PTBP1: variants seen among roughly 807,000 people sequenced by gnomAD.
The protein encoded by PTBP1 is polypyrimidine tract binding protein 1.
Under a neutral mutation model 59.8 loss-of-function variants are expected in PTBP1, and 8 were observed. That is an observed-to-expected ratio of 0.13 (90% CI 0.08 to 0.24). The LOEUF is 0.24. Ranked by LOEUF, PTBP1 falls within the 10% of genes least tolerant of loss-of-function variation. PTBP1 has a pLI of 1.00. For missense variants in PTBP1, 686 were observed against 767.0 expected (o/e 0.89, Z 1.25); for synonymous variants, 490 against 320.7 (o/e 1.53, Z -5.64).
chr19:806,337 G>A lies in PTBP1; in HGVS notation c.971-71G>A, dbSNP rs1396316347. On this transcript the variant is annotated intron_variant, in intron 9 of 14. Coordinates refer to ENST00000356948, the MANE Select transcript of PTBP1 (RefSeq NM_002819.5). Reference sequence around the variant, plus strand: ...CGGCTCCTCGGTGCATGAGGACGGGGAGCGTCGGCCTCTCCCACTCTGCGG... The same window carrying A: ...CGGCTCCTCGGTGCATGAGGACGGGAAGCGTCGGCCTCTCCCACTCTGCGG... 113 of 1,478,194 alleles carry A rather than the reference G, an allele frequency of 7.6e-5. 2 individuals carry two copies. The South Asian group carries it at 1.1e-3, about 14-fold the overall frequency. 91.6% of individuals were successfully genotyped at this position (1,478,194 alleles called of 1,614,324 possible).
rs541209629 is a variant in PTBP1, at chr19:811,173, C to T, written c.*347C>T. ...CTTCCTTGTGCCTTAAAAAACCTGC[C>T]TTCCTGCAGCCACACACCCACCCGG... On this transcript the variant is annotated 3_prime_UTR_variant, in exon 15 of 15. Coordinates refer to ENST00000356948, the MANE Select transcript of PTBP1 (RefSeq NM_002819.5). 28 of 192,426 alleles carry T rather than the reference C, an allele frequency of 1.5e-4. No individual in the cohort carries two copies. Among genetic ancestry groups the T allele is most frequent in the South Asian group, 1.4e-3 (10 of 7,160 alleles). 11.9% of individuals were successfully genotyped at this position (192,426 alleles called of 1,614,324 possible).
rs772626616 is a variant in PTBP1 at position 806,490 on chromosome 19, G to A, written c.1053G>A (p.Arg351=). The A allele has an allele frequency of 1.3e-6, 2 of 1,585,792 alleles. No homozygotes were observed. Among genetic ancestry groups the A allele is most frequent in the African/African-American group, 1.4e-5 (1 of 71,914 alleles). Residue 351 remains arginine (R), a synonymous_variant, in exon 10 of 15, where the codon CGG becomes CGA. Transcript: ENST00000356948. ...SAAAAAAAAG[R]IAIPGLAGAG... is the part of the protein sequence containing the mutation. ...CGGCGGCAGCTGCGGCGGCAGGTCG[G>A]ATCGCCATCCCGGGCCTGGCGGGGG... is the stretch of plus-strand genomic sequence containing the variant.
At chr19:810,248 G>C (rs1466286617) in intron 13 of PTBP1, among the ~76,000 whole-genome samples, 1 of 152,218 alleles carries the variant, frequency 6.6e-6, no homozygotes, top group Non-Finnish European at 1.5e-5. Flanking sequence ...GGAGGTTGTG[G>C]TGAGCTGAGA....
intron 1 of PTBP1, 56 bp downstream of exon 1, chr19:797,561 C>CAA: frequency 7.7e-7 from 1 of 1,296,604 alleles, no homozygotes; most frequent in South Asian, 1.9e-5. Flanking sequence ...AGCCCTGCCC[C>CAA]CGCCGCCGCG....
At chr19:803,157 A>T (rs924655607) in intron 2 of PTBP1, among the ~76,000 whole-genome samples, 2 of 152,206 alleles carry the variant, frequency 1.3e-5, no homozygotes, top group South Asian at 4.1e-4. Flanking sequence ...GGCTGGCTCC[A>T]TGGAGGGGGT....
chr19:803,691 A>G, intron 3 of PTBP1, 55 bp downstream of exon 3: 1 of 1,475,256 alleles, frequency 6.8e-7, no homozygotes, highest in South Asian at 1.1e-5. Context: ...CCCTGGAACA[A>G]CGTTACGTTC....
intron 2 of PTBP1, 43 bp from the exon 3 acceptor site, chr19:803,518 G>A: frequency 6.4e-7 from 1 of 1,567,048 alleles, no homozygotes; most frequent in Non-Finnish European, 8.8e-7. Context: ...GGAGGCTCTG[G>A]CCTGGTGGGA....
chr19:807,963 C>T lies in PTBP1; in HGVS notation c.1153+61C>T, dbSNP rs995585088. On this transcript the variant is annotated intron_variant, in intron 11 of 14. Coordinates refer to ENST00000356948, the MANE Select transcript of PTBP1 (RefSeq NM_002819.5). ...CATTAATTGAGATGATTTTGATGCC[C>T]TGAGACGTATTATGAGTTTGCGGTT... is the stretch of plus-strand genomic sequence containing the variant. 58 of 1,456,498 alleles carry T rather than the reference C, an allele frequency of 4.0e-5. 1 individual carries two copies. In the African/African-American group the frequency reaches 6.0e-4, roughly 15 times the overall value. 90.2% of individuals were successfully genotyped at this position (1,456,498 alleles called of 1,614,324 possible).
At chr19:806,321 G>C (rs2034572480) in intron 9 of PTBP1, 87 bp from the exon 10 acceptor site, 3 of 1,395,110 alleles carry the variant, frequency 2.2e-6, no homozygotes, top group South Asian at 1.5e-5. Context: ...TCGGCTCCTC[G>C]GTGCATGAGG....
chr19:804,463 A>G (rs2034471154), intron 5 of PTBP1, 25 bp downstream of exon 5: 1 of 1,604,882 alleles, frequency 6.2e-7, no homozygotes, highest in Non-Finnish European at 8.5e-7. Flanking sequence ...GGCGGACCCC[A>G]GCAGCCCGGG....
chr19:797,755 G>A (rs2034135484), intron 1 of PTBP1, among the ~76,000 whole-genome samples: 1 of 146,284 alleles, frequency 6.8e-6, no homozygotes, highest in South Asian at 2.1e-4. Flanking sequence ...TAGCGCACGC[G>A]GCCTCCCGCG....
rs1266783363 is a variant in PTBP1, at chr19:804,879, C to A, written c.657C>A (p.Asn219Lys). Residue 219 changes from asparagine (N) to lysine (K), a missense_variant, in exon 7 of 15, where the codon AAC (asparagine) becomes AAA (lysine). Physicochemically the swap from Asn to Lys is moderately conservative, Grantham distance 94 (BLOSUM62 0). Coordinates refer to ENST00000356948, the MANE Select transcript of PTBP1 (RefSeq NM_002819.5). ...TGAAGATCATCACCTTCACCAAGAACAACCAGTTCCAGGCCCTGCTGCAGT... is the reference window on the plus strand; with the variant it reads ...TGAAGATCATCACCTTCACCAAGAAAAACCAGTTCCAGGCCCTGCTGCAGT... ...TVLKIITFTKNNQFQALLQYA... is the reference protein window; with the variant it reads ...TVLKIITFTKKNQFQALLQYA... The A allele has an allele frequency of 3.1e-6, 5 of 1,613,938 alleles. No homozygotes were observed. Among genetic ancestry groups the A allele is most frequent in the Non-Finnish European group, 4.2e-6 (5 of 1,179,948 alleles).
chr19:804,438 G>C lies in PTBP1; in HGVS notation c.435G>C (p.Ala145=), dbSNP rs756078289. The change falls in exon 5 of 15, where the codon GCG becomes GCC. Residue 145 remains alanine, a splice_region_variant and synonymous_variant. Coordinates refer to ENST00000356948, the MANE Select transcript of PTBP1 (RefSeq NM_002819.5). ...AGACCGACAGCTCTCCCAACCAGGC[G>C]GTGCGTGGCCCCGCGGCGGACCCCA... The part of the protein sequence containing the change: ...ELKTDSSPNQ[A]RAQAALQAVN... 1 of 1,610,270 alleles carries C rather than the reference G, an allele frequency of 6.2e-7. No homozygotes were observed. The highest frequency in any genetic ancestry group is 8.5e-7 in the Non-Finnish European group (1 of 1,179,892).
Position 806,416 on chromosome 19 carries a change from G to T in PTBP1, c.979G>T (p.Val327Phe). ...FAIPQAAGLS[V>F]PNVHGALAPL... ...ACCTCCTGCTTTTCCAGGCCTTTCC[G>T]TTCCGAACGTCCACGGCGCCCTGGC... The change falls in exon 10 of 15, where the codon GTT becomes TTT. Residue 327 changes from valine to phenylalanine, a missense_variant. Physicochemically the swap from Val to Phe is conservative, Grantham distance 50. Coordinates refer to ENST00000356948, the MANE Select transcript of PTBP1 (RefSeq NM_002819.5). 1 of 1,602,120 alleles carries T rather than the reference G, an allele frequency of 6.2e-7. No homozygotes were observed. Among genetic ancestry groups the T allele is most frequent in the Non-Finnish European group, 8.5e-7 (1 of 1,174,828 alleles).
intron 2 of PTBP1, among the ~76,000 whole-genome samples, chr19:800,258 C>T (rs1174203940): frequency 6.6e-6 from 1 of 152,050 alleles, no homozygotes; most frequent in East Asian, 1.9e-4. Flanking sequence ...TTGATGGCAT[C>T]TGGTTAGAAC....
intron 8 of PTBP1, 130 bp from the exon 9 acceptor site, chr19:805,362 G>C: frequency 1.7e-6 from 2 of 1,199,996 alleles, no homozygotes; most frequent in African/African-American, 3.0e-5. Context: ...GCCCCCCCTG[G>C]AGCAGCGGAT....
intron 2 of PTBP1, among the ~76,000 whole-genome samples, chr19:801,147 C>G (rs1454286313): frequency 6.6e-6 from 1 of 152,126 alleles, no homozygotes; most frequent in Non-Finnish European, 1.5e-5. Flanking sequence ...GCTGTAGGGC[C>G]CCAGCTGCAG....
chr19:809,682 G>C (rs914642942), intron 13 of PTBP1, among the ~76,000 whole-genome samples: 1 of 152,172 alleles, frequency 6.6e-6, no homozygotes, highest in Non-Finnish European at 1.5e-5. Flanking sequence ...TTGAACCCAA[G>C]AGTTAAGACC....
chr19:810,987 C>T lies in PTBP1; in HGVS notation c.*161C>T, dbSNP rs567418221. On this transcript the variant is annotated 3_prime_UTR_variant, in exon 15 of 15. Transcript: ENST00000356948. The stretch of plus-strand genomic sequence containing the variant: ...TTTAAAAAAATTAAATCTAGTTCAC[C>T]TTGCTCACCCTGCGGTGACAGGGAC... The T allele has an allele frequency of 1.3e-5, 10 of 744,492 alleles. No homozygotes were observed. The highest frequency in any genetic ancestry group is 6.6e-5 in the East Asian group (2 of 30,336). 46.1% of individuals were successfully genotyped at this position (744,492 alleles called of 1,614,324 possible).
Sources: gnomAD v4.1 joint callset for allele counts (sites outside exome capture counted in the v4.1 genomes callset) on GRCh38, gnomAD v4.1.1 for gene constraint, MANE v1.5 for transcripts, NCBI Gene and HGNC (gene_info 2026-07-23, HGNC 2026-07-21) for gene names.